ZNF423: variants seen among roughly 807,000 people sequenced by gnomAD.
ZNF423 encodes the protein Ebf-associated zinc finger protein.
A neutral mutation model predicts 95.8 loss-of-function variants in ZNF423; 12 were observed. The observed-to-expected ratio is 0.13, with a 90% CI of 0.08 to 0.20. ZNF423 has a LOEUF of 0.20. Ranked by LOEUF, ZNF423 falls within the 10% of genes least tolerant of loss-of-function variation. The pLI is 1.00. For synonymous variants in ZNF423, 749 were observed against 711.9 expected, an observed-to-expected ratio of 1.05 and a Z score of -0.83; for missense variants, 1,316 against 1,737.1, an observed-to-expected ratio of 0.76 and a Z score of 4.31.
chr16:49,835,095 A>G (rs1053179770), intron 1 of ZNF423, among the ~76,000 whole-genome samples: 14 of 151,932 alleles, frequency 9.2e-5, no homozygotes, highest in African/African-American at 3.1e-4. Flanking sequence ...TTGCCCCAGA[A>G]AGTCAGTCCT....
intron 1 of ZNF423, among the ~76,000 whole-genome samples, chr16:49,806,226 C>T (rs780762805): frequency 6.6e-6 from 1 of 152,218 alleles, no homozygotes; most frequent in Non-Finnish European, 1.5e-5. Context: ...GGCACCCCAG[C>T]CCCCCAGGGA....
At chr16:49,665,148 G>T (rs1433477383) in intron 3 of ZNF423, among the ~76,000 whole-genome samples, 2 of 152,254 alleles carry the variant, frequency 1.3e-5, no homozygotes, top group African/African-American at 4.8e-5. Context: ...CCAAGGGGTG[G>T]CACTTCCAAA....
At chr16:49,657,630 C>T (rs1254212844) in intron 3 of ZNF423, among the ~76,000 whole-genome samples, 1 of 152,232 alleles carries the variant, frequency 6.6e-6, no homozygotes, top group Admixed American at 6.5e-5. Context: ...GGGCACCCTG[C>T]AGACACGAAG....
At chr16:49,583,567 T>G (rs932742789) in intron 5 of ZNF423, among the ~76,000 whole-genome samples, 1 of 152,222 alleles carries the variant, frequency 6.6e-6, no homozygotes, top group Admixed American at 6.5e-5. Flanking sequence ...CTAATGACTA[T>G]GCATATTTCA....
intron 2 of ZNF423, among the ~76,000 whole-genome samples, chr16:49,768,399 C>G (rs540317312): frequency 6.6e-6 from 1 of 152,370 alleles, no homozygotes; most frequent in South Asian, 2.1e-4. Context: ...CTAGGCTGGG[C>G]TTCCCTTCCA....
Position 49,636,707 on chromosome 16 carries a change from G to A in ZNF423, c.2469C>T (p.Ala823=). The A allele has an allele frequency of 6.2e-7, 1 of 1,614,118 alleles. No homozygotes were observed. Among genetic ancestry groups the A allele is most frequent in the South Asian group, 1.1e-5 (1 of 91,088 alleles). Residue 823 remains alanine (A), a synonymous_variant, in exon 4 of 8, where the codon GCC becomes GCT. Transcript: ENST00000563137. This position sits in a 1 kb window ranked among gnomAD's most constrained non-coding sequence, Gnocchi z 8.6. The part of the protein sequence containing the change: ...KKYNCKFCSK[A]FHAIILLEKH... ...TCTCCAGCAGGATGATGGCGTGGAA[G>A]GCCTTGCTGCAGAACTTACAGTTAT...
intron 7 of ZNF423, among the ~76,000 whole-genome samples, chr16:49,496,650 C>T (rs1967177429): frequency 1.3e-5 from 2 of 152,222 alleles, no homozygotes; most frequent in African/African-American, 4.8e-5. Flanking sequence ...CAACACAAAA[C>T]AGACTAATAC....
In ZNF423 at chr16:49,692,681, G is replaced by A. The variant is rs188136821; in HGVS notation, c.301+38090C>T. On this transcript the variant is annotated intron_variant, in intron 3 of 7. Coordinates refer to ENST00000563137, the MANE Select transcript of ZNF423 (RefSeq NM_001379286.1). ...GAGGCAGGGGAAGCTACAATCCTGG[G>A]TGGACACCCCTGAAGGACAGGCAAA... Among the ~76,000 whole-genome samples, 228 of 152,322 alleles carry A rather than the reference G, an allele frequency of 1.5e-3. 1 individual carries two copies. The Middle Eastern group carries it at 0.02, about 14-fold the overall frequency.
intron 1 of ZNF423, among the ~76,000 whole-genome samples, chr16:49,835,805 G>C (rs930244987): frequency 6.6e-6 from 1 of 152,198 alleles, no homozygotes; most frequent in Non-Finnish European, 1.5e-5. Context: ...GGGAAGAGGA[G>C]CTGCTGCTCC....
chr16:49,804,783 A>G (rs942223363), intron 1 of ZNF423, among the ~76,000 whole-genome samples: 1 of 152,004 alleles, frequency 6.6e-6, no homozygotes, highest in Non-Finnish European at 1.5e-5. Context: ...CCCTGTGCAC[A>G]CCAACCCTGC....
intron 5 of ZNF423, among the ~76,000 whole-genome samples, chr16:49,557,892 A>G (rs1969886074): frequency 6.6e-6 from 1 of 152,094 alleles, no homozygotes; most frequent in South Asian, 2.1e-4. Context: ...CTAGAGAAGG[A>G]GTCTGGGCCT....
intron 3 of ZNF423, among the ~76,000 whole-genome samples, chr16:49,718,044 G>C (rs1222712444): frequency 6.6e-6 from 1 of 152,176 alleles, no homozygotes; most frequent in Non-Finnish European, 1.5e-5. Context: ...CACAAGGGCA[G>C]GAACTGTTGT....
intron 3 of ZNF423, among the ~76,000 whole-genome samples, chr16:49,674,672 C>G (rs115664574): frequency 6.6e-6 from 1 of 152,118 alleles, no homozygotes; most frequent in Admixed American, 6.5e-5. Context: ...GACCAAAGCC[C>G]GAGAGGCAGC....
chr16:49,610,934 TG>T (rs1302680602), intron 5 of ZNF423, among the ~76,000 whole-genome samples: 15 of 152,074 alleles, frequency 9.9e-5, no homozygotes, highest in African/African-American at 3.4e-4. Context: ...CATTAAACAA[TG>T]ATAAAGGGGT....
At chr16:49,652,512 G>T (rs1202162095) in intron 3 of ZNF423, among the ~76,000 whole-genome samples, 1 of 152,134 alleles carries the variant, frequency 6.6e-6, no homozygotes, top group East Asian at 1.9e-4. Context: ...CAGGAGCTCC[G>T]GAAGGTTCTC....
At chr16:49,730,065 GTAGCAT>G (rs2033124029) in intron 3 of ZNF423, among the ~76,000 whole-genome samples, 1 of 152,086 alleles carries the variant, frequency 6.6e-6, no homozygotes, top group Non-Finnish European at 1.5e-5. Flanking sequence ...TGTCATCCCT[GTAGCAT>G]GGCTTCCACA....
chr16:49,539,587 G>A (rs1306652818), intron 5 of ZNF423, among the ~76,000 whole-genome samples: 3 of 152,270 alleles, frequency 2.0e-5, no homozygotes, highest in African/African-American at 7.2e-5. Context: ...TAACTGTTGG[G>A]AGATGAACAG....
rs2035345169 is a variant in ZNF423, at chr16:49,855,071, C to G, written c.40+664G>C. On this transcript the variant is annotated intron_variant, in intron 1 of 7. Transcript: ENST00000563137. The surrounding 1 kb of genome is among the most constrained non-coding windows in gnomAD (Gnocchi z 4.7). ...ATGAACTCCTGGCGGAGGCTCCCTGCCCGGTGGGCCTCGGTGGAGGAGGCA... is the reference window on the plus strand; with the variant it reads ...ATGAACTCCTGGCGGAGGCTCCCTGGCCGGTGGGCCTCGGTGGAGGAGGCA... 2.0e-6 allele frequency: 2 copies of G among 982,208 alleles called. No homozygotes were observed. Among genetic ancestry groups the G allele is most frequent in the East Asian group, 1.2e-4 (1 of 8,676 alleles). The allele number at this position is 982,208 out of a possible 1,614,324, so 60.8% of individuals were successfully genotyped here. A position where few individuals can be genotyped will look rare whatever the true frequency, so the allele number is the denominator to read the frequency against.
intron 3 of ZNF423, among the ~76,000 whole-genome samples, chr16:49,726,511 G>T (rs900115697): frequency 2.6e-5 from 4 of 152,072 alleles, no homozygotes; most frequent in Non-Finnish European, 5.9e-5. Flanking sequence ...CAGTTTAAAG[G>T]ACCCAAATTT....
Sources: gnomAD v4.1 joint callset for allele counts (sites outside exome capture counted in the v4.1 genomes callset) on GRCh38, gnomAD v4.1.1 for gene constraint, Gnocchi (gnomAD v3.1) non-coding constraint, MANE v1.5 for transcripts, NCBI Gene and HGNC (gene_info 2026-07-23, HGNC 2026-07-21) for gene names.